The following ANKH variants were observed in gnomAD, a reference collection of about 807,000 sequenced individuals.
The protein encoded by ANKH is mineralization regulator ANKH.
Under a neutral mutation model 49.0 loss-of-function variants are expected in ANKH, and 15 were observed. The ratio of observed to expected loss-of-function variants is 0.31; its 90% CI spans 0.20 to 0.47. The LOEUF is 0.47. Ranked by LOEUF, ANKH falls within the 20% of genes least tolerant of loss-of-function variation. ANKH has a pLI of 1.00. For synonymous variants in ANKH, 273 were observed against 260.0 expected, an observed-to-expected ratio of 1.05 and a Z score of -0.48; for missense variants, 429 against 652.0, an observed-to-expected ratio of 0.66 and a Z score of 3.72.
chr5:14,716,865 G>A (rs758141050), intron 8 of ANKH, 30 bp from the exon 9 acceptor site: 1 of 1,612,396 alleles, frequency 6.2e-7, no homozygotes, highest in Non-Finnish European at 8.5e-7. Flanking sequence ...ACAGGGTTGT[G>A]AGGAAAAAGT....
chr5:14,752,264 C>A (rs1422126822), intron 4 of ANKH, among the ~76,000 whole-genome samples: 1 of 152,042 alleles, frequency 6.6e-6, no homozygotes. Flanking sequence ...GAGTTTTGAT[C>A]GTGCCACTGC....
chr5:14,811,351 C>T (rs1282828440), intron 1 of ANKH, among the ~76,000 whole-genome samples: 1 of 152,226 alleles, frequency 6.6e-6, no homozygotes, highest in African/African-American at 2.4e-5. Context: ...GGACTGTTCT[C>T]TGACCTCTCC....
Position 14,713,450 on chromosome 5 carries a change from TG to T in ANKH, c.1265+93del, listed in dbSNP as rs1737317112. 6.5e-7 allele frequency: 1 copy of T among 1,533,780 alleles called. No individual in the cohort carries two copies. The highest frequency in any genetic ancestry group is 1.4e-5 in the African/African-American group (1 of 72,806). On this transcript the variant is annotated intron_variant, in intron 10 of 11. Transcript: ENST00000284268. The surrounding 1 kb of genome is among the most constrained non-coding windows in gnomAD (Gnocchi z 4.4). ...CTGAATTTCCGATTCTAGACGTGCC[TG>T]GGGATTTCCCCTGAAAATGTAGCTG...
At chr5:14,823,139 T>A (rs760596914) in intron 1 of ANKH, among the ~76,000 whole-genome samples, 58 of 152,204 alleles carry the variant, frequency 3.8e-4, no homozygotes, top group Non-Finnish European at 7.2e-4. Flanking sequence ...AACATTCAAC[T>A]ACACTTCTGA....
intron 1 of ANKH, among the ~76,000 whole-genome samples, chr5:14,841,417 C>G (rs1314436618): frequency 6.6e-6 from 1 of 152,074 alleles, no homozygotes; most frequent in East Asian, 1.9e-4. Context: ...CTGCCTCAGC[C>G]TCCCAAGTAG....
At chr5:14,754,845 G>A (rs917923634) in intron 4 of ANKH, among the ~76,000 whole-genome samples, 1 of 152,128 alleles carries the variant, frequency 6.6e-6, no homozygotes, top group East Asian at 1.9e-4. Flanking sequence ...GGAGGCCGAG[G>A]TGGGCAGATC....
intron 1 of ANKH, among the ~76,000 whole-genome samples, chr5:14,848,594 A>G (rs562646271): frequency 6.6e-6 from 1 of 152,298 alleles, no homozygotes; most frequent in Non-Finnish European, 1.5e-5. Flanking sequence ...CAGGGTGTCC[A>G]CTGCGCCTCT....
rs772674862 is a variant in ANKH at position 14,728,878 on chromosome 5, G to A, written c.1012-12043C>T. The stretch of plus-strand genomic sequence containing the variant: ...GCAAATAATGGTGTGCAACCAAGAC[G>A]GTGGAGTCCTTGGGGTGCCGGCCCA... On this transcript the variant is annotated intron_variant, in intron 8 of 11. Coordinates refer to ENST00000284268, the MANE Select transcript of ANKH (RefSeq NM_054027.6). Among the ~76,000 whole-genome samples the A allele has an allele frequency of 3.3e-3, 495 of 152,192 alleles. 12 individuals are homozygous for A. Among genetic ancestry groups the A allele is most frequent in the Non-Finnish European group, 9.9e-4 (67 of 68,016 alleles).
In ANKH at chr5:14,705,248, T is replaced by C. The variant is rs1303826622; in HGVS notation, c.*5949A>G. 1 of 152,050 alleles carries C rather than the reference T, an allele frequency of 6.6e-6. No homozygotes were observed. Among genetic ancestry groups the C allele is most frequent in the Non-Finnish European group, 1.5e-5 (1 of 68,022 alleles). The allele number at this position is 152,050 out of a possible 1,614,324, so 9.4% of individuals were successfully genotyped here. ...CCTATGGGCTGACAGCCACAGCCCA[T>C]GTAGAGGAATGACTCTAAGCACACT... On this transcript the variant is annotated 3_prime_UTR_variant, in exon 12 of 12. Coordinates refer to ENST00000284268, the MANE Select transcript of ANKH (RefSeq NM_054027.6).
chr5:14,713,616 A>C lies in ANKH; in HGVS notation c.1193T>G (p.Phe398Cys), dbSNP rs1444183234. 6.2e-7 allele frequency: 1 copy of C among 1,614,058 alleles called. No individual in the cohort carries two copies. The highest frequency in any genetic ancestry group is 8.5e-7 in the Non-Finnish European group (1 of 1,180,034). ...TGWLMTLKKTFVLAPSSVLRI... is the reference protein window; with the variant it reads ...TGWLMTLKKTCVLAPSSVLRI... ...CAGCACAGAGCTGGGGGCAAGGACG[A>C]AGGTTTTCTTCAGTGTCATCAGCCA... Residue 398 changes from phenylalanine to cysteine, a missense_variant, in exon 10 of 12, where the codon TTC becomes TGC. Around this residue, in one of 2 missense-constraint regions of ANKH, gnomAD observed 378 missense variants for 615.3 expected, o/e 0.61. Coordinates refer to ENST00000284268, the MANE Select transcript of ANKH (RefSeq NM_054027.6). The surrounding 1 kb of genome is among the most constrained non-coding windows in gnomAD (Gnocchi z 4.4).
chr5:14,733,196 T>TGCAA (rs1738059916), intron 8 of ANKH, among the ~76,000 whole-genome samples: 1 of 152,212 alleles, frequency 6.6e-6, no homozygotes, highest in Non-Finnish European at 1.5e-5. Context: ...CACTGTTGTT[T>TGCAA]GCCATATGTG....
intron 1 of ANKH, among the ~76,000 whole-genome samples, chr5:14,787,267 T>C (rs1740008751): frequency 6.6e-6 from 1 of 150,996 alleles, no homozygotes; most frequent in African/African-American, 2.4e-5. Context: ...TGAGCCAAGA[T>C]AGCGCCATTG....
At chr5:14,818,644 CAAAAAAAAA>C (rs34629052) in intron 1 of ANKH, among the ~76,000 whole-genome samples, 15 of 64,910 alleles carry the variant, frequency 2.3e-4, no homozygotes, top group East Asian at 9.7e-4. Flanking sequence ...AACTCCATCT[CAAAAAAAAA>C]AAAAAAAAAA....
chr5:14,712,808 C>T lies in ANKH; in HGVS notation c.1365+66G>A, dbSNP rs1386745671. On this transcript the variant is annotated intron_variant, in intron 11 of 11. Coordinates refer to ENST00000284268, the MANE Select transcript of ANKH (RefSeq NM_054027.6). ...CGCCACCATCCAACCTGGTCAGTGG[C>T]TGCTCAGGTTCTCCTGCACCCAGGA... 5.2e-5 allele frequency: 76 copies of T among 1,473,800 alleles called. No homozygotes were observed. In the East Asian group the frequency reaches 1.7e-3, roughly 34 times the overall value. The allele number at this position is 1,473,800 out of a possible 1,614,324, so 91.3% of individuals were successfully genotyped here.
chr5:14,747,084 G>A (rs1462484140), intron 6 of ANKH, among the ~76,000 whole-genome samples: 1 of 152,100 alleles, frequency 6.6e-6, no homozygotes, highest in Non-Finnish European at 1.5e-5. Context: ...CCACCTCTAA[G>A]CCTCCACTCC....
intron 8 of ANKH, among the ~76,000 whole-genome samples, chr5:14,729,057 T>A (rs972215164): frequency 3.3e-5 from 5 of 152,064 alleles, no homozygotes; most frequent in Admixed American, 2.6e-4. Context: ...AAAAAAGCCT[T>A]TTTTTTCTTT....
intron 1 of ANKH, chr5:14,797,852 AAGCCCAT>A: frequency 6.2e-7 from 1 of 1,611,736 alleles, no homozygotes; most frequent in South Asian, 1.1e-5. Flanking sequence ...GGTTCCAAGA[AAGCCCAT>A]AGCCTTCCTT....
At position 14,843,886 on chromosome 5, in the gene ANKH, T is replaced by C. The variant is rs143724911; in HGVS notation, c.96+27466A>G. 5.8e-3 allele frequency among the ~76,000 whole-genome samples: 883 copies of C among 152,326 alleles called. 34 individuals carry two copies. The highest frequency in any genetic ancestry group is 0.055 in the Admixed American group (838 of 15,288). On this transcript the variant is annotated intron_variant, in intron 1 of 11. Transcript: ENST00000284268. ...CATTCATACACAGTGGGCACACATT[T>C]TGCATATAAGGTATGTAAATATAAG...
chr5:14,711,425 CCTT>C (rs1449062987), intron 11 of ANKH, 115 bp from the exon 12 acceptor site: 3 of 860,228 alleles, frequency 3.5e-6, no homozygotes, highest in Non-Finnish European at 5.9e-6. Context: ...TAGGCTTAAA[CCTT>C]CTTATGGTTG....
Sources: allele counts gnomAD v4.1 joint callset (sites outside exome capture counted in the v4.1 genomes callset), GRCh38; gene constraint gnomAD v4.1.1; regional missense constraint gnomAD v4.1.1; non-coding constraint Gnocchi (gnomAD v3.1); transcripts MANE v1.5; gene names NCBI Gene and HGNC (gene_info 2026-07-23, HGNC 2026-07-21).